The following RHEX variants were observed in gnomAD, a reference collection of about 807,000 sequenced individuals.
RHEX encodes the protein regulator of hemoglobinization and erythroid cell expansion protein.
In RHEX, 18 loss-of-function variants were observed where a neutral mutation model predicts 20.1. That is an observed-to-expected ratio of 0.90 (90% CI 0.62 to 1.33). The LOEUF (loss-of-function observed/expected upper bound fraction) is 1.33, where lower values mean the gene tolerates loss of function less well. Ranked by LOEUF, RHEX falls within the 40% of genes most tolerant of loss-of-function variation. The probability of loss-of-function intolerance (pLI) is 0.00; values close to 1 mark genes in which losing one functional copy is unlikely to be tolerated. For synonymous variants in RHEX, 87 were observed against 77.1 expected (o/e 1.13, Z -0.67); for missense variants, 192 against 214.3 (o/e 0.90, Z 0.65).
intron 1 of RHEX, among the ~76,000 whole-genome samples, chr1:206,073,314 G>C (rs1048256794): frequency 2.0e-5 from 3 of 152,158 alleles, no homozygotes; most frequent in Non-Finnish European, 4.4e-5. Context: ...GCAGACAGGT[G>C]CATACATCTG....
At chr1:206,096,305 C>T (rs1663067490) in intron 1 of RHEX, among the ~76,000 whole-genome samples, 1 of 152,252 alleles carries the variant, frequency 6.6e-6, no homozygotes, top group Admixed American at 6.5e-5. Flanking sequence ...CCAACCCCCT[C>T]AAGGGGAGAA....
chr1:206,062,369 C>T (rs1314305990), intron 1 of RHEX: 1 of 152,296 alleles, frequency 6.6e-6, no homozygotes, highest in Non-Finnish European at 1.5e-5. Flanking sequence ...CCCCCAGCCC[C>T]AGAGGCAGGC....
intron 3 of RHEX, 93 bp downstream of exon 3, chr1:206,098,274 G>C: frequency 1.1e-6 from 1 of 936,946 alleles, no homozygotes; most frequent in East Asian, 2.5e-5. Flanking sequence ...GTTCCCAAAC[G>C]TCACTCAAAA....
intron 1 of RHEX, among the ~76,000 whole-genome samples, chr1:206,059,749 A>G (rs1311011506): frequency 6.6e-6 from 1 of 152,102 alleles, no homozygotes; most frequent in Non-Finnish European, 1.5e-5. Flanking sequence ...TAGCTCTGAG[A>G]ATCTATGGAC....
chr1:206,080,315 C>G (rs1338912691), intron 1 of RHEX: 1 of 152,160 alleles, frequency 6.6e-6, no homozygotes, highest in African/African-American at 2.4e-5. Context: ...ATTTTGCAAG[C>G]CTGGGGCTTA....
intron 1 of RHEX, among the ~76,000 whole-genome samples, chr1:206,096,601 T>C (rs1663072346): frequency 6.6e-6 from 1 of 152,214 alleles, no homozygotes; most frequent in African/African-American, 2.4e-5. Flanking sequence ...TATCCAAAAT[T>C]AGACAAGAGC....
rs1225154696 is a variant in RHEX at position 206,064,663 on chromosome 1, GCCCC to G, written c.-97+11401_-97+11404del. Among the ~76,000 whole-genome samples the G allele has an allele frequency of 3.3e-3, 490 of 146,966 alleles. 1 individual carries two copies. The highest frequency in any genetic ancestry group is 0.011 in the African/African-American group (450 of 39,488). ...GTCCCGGGGGGAGGTGGGGGGGTCA[GCCCC>G]CCGCCCGGCCAGCCGCCCCATCCGG... On this transcript the variant is annotated intron_variant, in intron 1 of 5. Transcript: ENST00000331555.
intron 1 of RHEX, among the ~76,000 whole-genome samples, chr1:206,054,262 G>A (rs1662139890): frequency 6.6e-6 from 1 of 152,164 alleles, no homozygotes; most frequent in African/African-American, 2.4e-5. Flanking sequence ...GAGACACATT[G>A]AAGAATTGTC....
At chr1:206,071,092 G>A (rs1202638316) in intron 1 of RHEX, among the ~76,000 whole-genome samples, 1 of 152,134 alleles carries the variant, frequency 6.6e-6, no homozygotes, top group African/African-American at 2.4e-5. Flanking sequence ...AAGCCAGCCG[G>A]AGTCCCAAAA....
At chr1:206,092,573 C>T (rs530967785) in intron 1 of RHEX, among the ~76,000 whole-genome samples, 39 of 152,220 alleles carry the variant, frequency 2.6e-4, no homozygotes, top group African/African-American at 7.2e-4. Context: ...CTAAGCTTTC[C>T]GTGCCATATG....
intron 1 of RHEX, among the ~76,000 whole-genome samples, chr1:206,078,566 A>G (rs1330031838): frequency 6.6e-6 from 1 of 152,130 alleles, no homozygotes; most frequent in Non-Finnish European, 1.5e-5. Flanking sequence ...GTTTCCAAAA[A>G]AATAAAAAAT....
At chr1:206,064,836 T>G (rs113689280) in intron 1 of RHEX, among the ~76,000 whole-genome samples, 12,596 of 150,892 alleles carry the variant, frequency 0.083, 1,271 homozygotes, top group African/African-American at 0.24. Flanking sequence ...GAATAGAGAG[T>G]GGGGAAAGGT....
At chr1:206,063,703 G>T (rs555252262) in intron 1 of RHEX, among the ~76,000 whole-genome samples, 67 of 152,358 alleles carry the variant, frequency 4.4e-4, no homozygotes, top group African/African-American at 1.5e-3. Flanking sequence ...GCTCAGTGGC[G>T]CCCAGGCTGG....
rs560432849 is a variant in RHEX at position 206,057,161 on chromosome 1, T to C, written c.-97+3896T>C. 4.7e-4 allele frequency among the ~76,000 whole-genome samples: 71 copies of C among 152,346 alleles called. No homozygotes were observed. The South Asian group carries it at 5.6e-3, about 12-fold the overall frequency. On this transcript the variant is annotated intron_variant, in intron 1 of 5. Coordinates refer to ENST00000331555, the MANE Select transcript of RHEX (RefSeq NM_001007544.4). Reference sequence around the variant, plus strand: ...AACTAAATGTGCCAGTACCTGAGATTCCAGGAAAAACTAAAAATTTGTTTT... The same window carrying C: ...AACTAAATGTGCCAGTACCTGAGATCCCAGGAAAAACTAAAAATTTGTTTT...
Position 206,101,882 on chromosome 1 carries a change from A to T in RHEX, c.449A>T (p.Lys150Met). Residue 150 changes from lysine (K) to methionine (M), a missense_variant, in exon 6 of 6, where the codon AAG becomes ATG. Physicochemically the swap from Lys to Met is moderately conservative, Grantham distance 95. Transcript: ENST00000331555. The part of the protein sequence containing the change: ...DYVNVNPERH[K>M]PSFWYFVNPA... ...GTCAATGTCAATCCAGAAAGACACA[A>T]GCCCAGTTTCTGGTATTTTGTCAAC... 1 of 1,614,054 alleles carries T rather than the reference A, an allele frequency of 6.2e-7. No homozygotes were observed. The highest frequency in any genetic ancestry group is 8.5e-7 in the Non-Finnish European group (1 of 1,179,990).
intron 1 of RHEX, 61 bp downstream of exon 1, chr1:206,053,326 C>T (rs1662109512): frequency 6.6e-6 from 1 of 152,626 alleles, no homozygotes; most frequent in South Asian, 2.1e-4. Context: ...CCTGATCACC[C>T]ACGACATGCC....
chr1:206,076,588 A>G (rs1395569459), intron 1 of RHEX, among the ~76,000 whole-genome samples: 2 of 152,242 alleles, frequency 1.3e-5, no homozygotes, highest in Non-Finnish European at 2.9e-5. Context: ...TGTTCTGCTC[A>G]TCTTCCAGCT....
chr1:206,087,301 A>C (rs1345615228), intron 1 of RHEX, among the ~76,000 whole-genome samples: 1 of 152,226 alleles, frequency 6.6e-6, no homozygotes, highest in Non-Finnish European at 1.5e-5. Flanking sequence ...CAGGGTTGGC[A>C]AGACAACTTT....
chr1:206,081,799 T>G (rs1662741245), intron 1 of RHEX, among the ~76,000 whole-genome samples: 1 of 152,200 alleles, frequency 6.6e-6, no homozygotes, highest in Non-Finnish European at 1.5e-5. Flanking sequence ...AGGCTAGAGC[T>G]GTATGAATGT....
Sources: gnomAD v4.1 joint callset for allele counts (sites outside exome capture counted in the v4.1 genomes callset) on GRCh38, gnomAD v4.1.1 for gene constraint, MANE v1.5 for transcripts, NCBI Gene and HGNC (gene_info 2026-07-23, HGNC 2026-07-21) for gene names.